The following CALN1 variants were observed in gnomAD, a reference collection of about 807,000 sequenced individuals.
The protein encoded by CALN1 is calneuron 1, also known as calcium-binding protein 8.
In CALN1, 17 loss-of-function variants were observed where a neutral mutation model predicts 30.6. The observed-to-expected ratio is 0.56, with a 90% confidence interval of 0.38 to 0.83. CALN1 has a LOEUF of 0.83. Ranked by LOEUF, CALN1 falls within the 40% of genes least tolerant of loss-of-function variation. The probability of loss-of-function intolerance (pLI) is 0.00; values close to 1 mark genes in which losing one functional copy is unlikely to be tolerated. For missense variants in CALN1, 291 were observed against 354.9 expected (o/e 0.82, Z 1.45); for synonymous variants, 156 against 131.4 (o/e 1.19, Z -1.28).
chr7:72,166,080 C>T (rs544714022), intron 3 of CALN1, among the ~76,000 whole-genome samples: 11 of 152,308 alleles, frequency 7.2e-5, no homozygotes, highest in African/African-American at 2.6e-4. Context: ...GCCTCACTTG[C>T]AGTGAGCACT....
At chr7:72,260,448 T>G (rs918692997) in intron 3 of CALN1, among the ~76,000 whole-genome samples, 1 of 152,172 alleles carries the variant, frequency 6.6e-6, no homozygotes, top group Non-Finnish European at 1.5e-5. Flanking sequence ...GGTTAAAAAC[T>G]TCAGAGTTGG....
chr7:72,070,353 G>A (rs935173458), intron 4 of CALN1, among the ~76,000 whole-genome samples: 4 of 152,152 alleles, frequency 2.6e-5, no homozygotes, highest in Admixed American at 1.3e-4. Flanking sequence ...GAATATATGA[G>A]GTATGTCCTG....
At chr7:71,927,347 C>T (rs1356464665) in intron 5 of CALN1, among the ~76,000 whole-genome samples, 1 of 152,076 alleles carries the variant, frequency 6.6e-6, no homozygotes, top group Non-Finnish European at 1.5e-5. Context: ...GTAGCTGAGA[C>T]CACAGGCGTG....
chr7:71,840,818 G>C (rs1789896263), intron 5 of CALN1, among the ~76,000 whole-genome samples: 1 of 152,180 alleles, frequency 6.6e-6, no homozygotes, highest in African/African-American at 2.4e-5. Context: ...AGCACTGTTT[G>C]ACCATGACTA....
At chr7:72,499,219 C>T in the CALN1 span, among the ~76,000 whole-genome samples, 4 of 151,916 alleles carry the variant, frequency 2.6e-5, no homozygotes, top group African/African-American at 4.8e-5. Context: ...TTAGTAGAGA[C>T]GAGGTTTCAC....
chr7:72,069,960 C>A (rs1213041318), intron 4 of CALN1, among the ~76,000 whole-genome samples: 1 of 152,130 alleles, frequency 6.6e-6, no homozygotes, highest in Admixed American at 6.5e-5. Flanking sequence ...AGGTCCTCAC[C>A]AGGAGTGTCC....
chr7:71,910,929 T>C (rs746605852), intron 5 of CALN1, among the ~76,000 whole-genome samples: 2 of 152,018 alleles, frequency 1.3e-5, no homozygotes, highest in Non-Finnish European at 1.5e-5. Context: ...AAAAAGAAAA[T>C]AAACGCCCAA....
intron 5 of CALN1, among the ~76,000 whole-genome samples, chr7:71,832,853 G>T (rs183697460): frequency 6.6e-6 from 1 of 150,728 alleles, no homozygotes; most frequent in Non-Finnish European, 1.5e-5. Context: ...TGATCCACCC[G>T]CATTGGCCTC....
chr7:71,887,907 C>A (rs751256371), intron 5 of CALN1, among the ~76,000 whole-genome samples: 1 of 151,936 alleles, frequency 6.6e-6, no homozygotes, highest in African/African-American at 2.4e-5. Flanking sequence ...TAAATGATGG[C>A]GGCTTGGGTG....
chr7:71,990,147 G>A (rs1020306988), intron 5 of CALN1, among the ~76,000 whole-genome samples: 1 of 152,016 alleles, frequency 6.6e-6, no homozygotes, highest in Non-Finnish European at 1.5e-5. Flanking sequence ...GAAGCTGGCC[G>A]AAACCCACTA....
the CALN1 span, among the ~76,000 whole-genome samples, chr7:72,469,052 A>G: frequency 6.6e-6 from 1 of 152,272 alleles, no homozygotes; most frequent in South Asian, 2.1e-4. Context: ...AAAAGTTTTT[A>G]ACTTTGATAA....
chr7:72,438,442 C>T (rs1188745363), intron 1 of CALN1, among the ~76,000 whole-genome samples: 1 of 152,094 alleles, frequency 6.6e-6, no homozygotes, highest in Non-Finnish European at 1.5e-5. Context: ...TTCTTGACTC[C>T]CTATTTCTCC....
At chr7:72,391,261 T>C (rs1370540630) in intron 2 of CALN1, among the ~76,000 whole-genome samples, 7 of 152,200 alleles carry the variant, frequency 4.6e-5, no homozygotes, top group Admixed American at 3.9e-4. Context: ...AGGGCTAAGA[T>C]GGTACAAAGC....
intron 1 of CALN1, among the ~76,000 whole-genome samples, chr7:72,427,224 C>T (rs1307091907): frequency 6.6e-6 from 1 of 152,220 alleles, no homozygotes; most frequent in East Asian, 1.9e-4. Flanking sequence ...CACCCTCCCA[C>T]CTTGGCCTCC....
Position 72,050,808 on chromosome 7 carries a change from C to T in CALN1, c.389-27039G>A, listed in dbSNP as rs561998793. Among the ~76,000 whole-genome samples, 87 of 152,046 alleles carry T rather than the reference C, an allele frequency of 5.7e-4. 1 individual carries two copies. The highest frequency in any genetic ancestry group is 3.1e-3 in the Admixed American group (47 of 15,254). On this transcript the variant is annotated intron_variant, in intron 4 of 6. Transcript: ENST00000395275. ...TTGAGGTCAGGAGTTTGAGACCAGC[C>T]GGGCTAACATGGTGAAACCTCATTT... is the stretch of plus-strand genomic sequence containing the variant.
intron 3 of CALN1, among the ~76,000 whole-genome samples, chr7:72,237,990 AAGGACTCCAAAAACAG>A (rs1477301322): frequency 1.3e-5 from 2 of 152,212 alleles, no homozygotes; most frequent in Non-Finnish European, 2.9e-5. Flanking sequence ...TAGCATCTTG[AAGGACTCCAAAAACAG>A]AGGTGGCATT....
At chr7:72,064,264 AGAGT>A (rs1803867097) in intron 4 of CALN1, among the ~76,000 whole-genome samples, 2 of 149,916 alleles carry the variant, frequency 1.3e-5, no homozygotes, top group African/African-American at 4.9e-5. Flanking sequence ...CCTGGGTGAC[AGAGT>A]GAGACTCCAT....
chr7:72,392,787 G>A (rs972131569), intron 2 of CALN1, among the ~76,000 whole-genome samples: 7 of 151,762 alleles, frequency 4.6e-5, no homozygotes, highest in African/African-American at 1.2e-4. Flanking sequence ...AGACCAGCCT[G>A]GGCAACATAG....
chr7:71,850,402 G>T (rs1317353309), intron 5 of CALN1, among the ~76,000 whole-genome samples: 2 of 152,006 alleles, frequency 1.3e-5, no homozygotes, highest in East Asian at 3.9e-4. Context: ...TTTTTTAGTA[G>T]AGATGGGGTT....
Sources: allele counts gnomAD v4.1 joint callset (sites outside exome capture counted in the v4.1 genomes callset), GRCh38; gene constraint gnomAD v4.1.1; transcripts MANE v1.5; gene names NCBI Gene and HGNC (gene_info 2026-07-23, HGNC 2026-07-21).